The following GLIPR1L1 variants were observed in gnomAD, a reference collection of about 807,000 sequenced individuals.
The protein encoded by GLIPR1L1 is GLIPR1-like protein 1.
In GLIPR1L1, 26 loss-of-function variants were observed where a neutral mutation model predicts 29.9. The ratio of observed to expected loss-of-function variants is 0.87; its 90% confidence interval spans 0.64 to 1.21. GLIPR1L1 has a LOEUF of 1.21. Ranked by LOEUF, GLIPR1L1 falls within the 50% of genes most tolerant of loss-of-function variation. The probability of loss-of-function intolerance (pLI) is 0.00; values close to 1 mark genes in which losing one functional copy is unlikely to be tolerated. For missense variants in GLIPR1L1, 305 were observed against 290.3 expected (o/e 1.05, Z -0.37); for synonymous variants, 77 against 97.5 (o/e 0.79, Z 1.24).
chr12:75,337,776 CTAA>C (rs932928968), intron 1 of GLIPR1L1, among the ~76,000 whole-genome samples: 1 of 151,944 alleles, frequency 6.6e-6, no homozygotes, highest in Non-Finnish European at 1.5e-5. Flanking sequence ...TGAACTTTGC[CTAA>C]TAAAAGTATT....
At chr12:75,345,226 T>A (rs2042370997) in intron 2 of GLIPR1L1, among the ~76,000 whole-genome samples, 1 of 152,118 alleles carries the variant, frequency 6.6e-6, no homozygotes, top group Admixed American at 6.5e-5. Context: ...CTAGAAACTG[T>A]CTCCAGGCAA....
At chr12:75,364,008 A>G (rs2043796585) in intron 4 of GLIPR1L1, among the ~76,000 whole-genome samples, 2 of 152,228 alleles carry the variant, frequency 1.3e-5, no homozygotes, top group Admixed American at 1.3e-4. Flanking sequence ...TACGATCAAT[A>G]GAAAGGAATA....
intron 3 of GLIPR1L1, among the ~76,000 whole-genome samples, chr12:75,350,028 C>G (rs535900238): frequency 2.0e-5 from 3 of 152,244 alleles, no homozygotes; most frequent in Non-Finnish European, 4.4e-5. Context: ...ACTGTGGCTC[C>G]AGTTGGCCAT....
At chr12:75,339,783 T>C (rs1190429696) in intron 1 of GLIPR1L1, among the ~76,000 whole-genome samples, 1 of 152,112 alleles carries the variant, frequency 6.6e-6, no homozygotes, top group African/African-American at 2.4e-5. Flanking sequence ...AAGGAAGGGG[T>C]CCAGTTTCAA....
chr12:75,343,580 C>A, intron 1 of GLIPR1L1, 113 bp from the exon 2 acceptor site: 13 of 811,764 alleles, frequency 1.6e-5, no homozygotes, highest in Admixed American at 3.1e-5. Flanking sequence ...CAAAGAAAAA[C>A]TACATCTTAT....
intron 3 of GLIPR1L1, among the ~76,000 whole-genome samples, chr12:75,357,739 A>G (rs2043245902): frequency 1.3e-5 from 2 of 152,076 alleles, no homozygotes; most frequent in South Asian, 4.1e-4. Context: ...TTTGAATACT[A>G]ACATACTTCT....
intron 4 of GLIPR1L1, 198 bp from the exon 5 acceptor site, chr12:75,369,762 T>A (rs1196738568): frequency 2.0e-6 from 2 of 984,752 alleles, no homozygotes; most frequent in African/African-American, 3.5e-5. Context: ...AAATATTTGT[T>A]GACATAACAC....
intron 3 of GLIPR1L1, among the ~76,000 whole-genome samples, chr12:75,359,081 C>T (rs942762415): frequency 1.3e-5 from 2 of 150,336 alleles, no homozygotes; most frequent in Non-Finnish European, 3.0e-5. Context: ...TACCAAAACT[C>T]ATCTAAAACA....
Position 75,370,220 on chromosome 12 carries a change from G to T in GLIPR1L1, c.*44G>T. The T allele has an allele frequency of 1.6e-5, 16 of 1,014,156 alleles. No individual in the cohort carries two copies. The highest frequency in any genetic ancestry group is 2.0e-5 in the Non-Finnish European group (13 of 648,008). The allele number at this position is 1,014,156 out of a possible 1,614,324, so 62.8% of individuals were successfully genotyped here. On this transcript the variant is annotated 3_prime_UTR_variant, in exon 6 of 6. Transcript: ENST00000378695. ...GAAATTCTCAAATGTTAAAATAAAG[G>T]AATAGTTTATTGCTTAATATAACTT...
At chr12:75,364,507 T>C (rs981794438) in intron 4 of GLIPR1L1, among the ~76,000 whole-genome samples, 1 of 152,222 alleles carries the variant, frequency 6.6e-6, no homozygotes, top group Non-Finnish European at 1.5e-5. Flanking sequence ...CAAAAACTTA[T>C]AGCCAATTTA....
intron 3 of GLIPR1L1, among the ~76,000 whole-genome samples, chr12:75,353,061 C>T (rs1265053176): frequency 1.3e-5 from 2 of 152,106 alleles, no homozygotes; most frequent in South Asian, 2.1e-4. Context: ...CCCAAATTGA[C>T]ATCCTAACAT....
intron 2 of GLIPR1L1, 127 bp downstream of exon 2, chr12:75,344,065 G>C (rs2042293357): frequency 1.5e-6 from 1 of 679,894 alleles, no homozygotes; most frequent in Non-Finnish European, 2.4e-6. Flanking sequence ...TTTATCATAG[G>C]TCTTGAGCAA....
At chr12:75,366,990 T>G in intron 4 of GLIPR1L1, 1 of 701,734 alleles carries the variant, frequency 1.4e-6, no homozygotes, top group Non-Finnish European at 2.6e-6. Context: ...TAACAAAATG[T>G]CCTTTCTCTT....
At chr12:75,340,098 T>C (rs2042002614) in intron 1 of GLIPR1L1, among the ~76,000 whole-genome samples, 1 of 151,596 alleles carries the variant, frequency 6.6e-6, no homozygotes, top group Non-Finnish European at 1.5e-5. Flanking sequence ...TTTTTATGGC[T>C]GAGTCGTATT....
At chr12:75,352,033 T>A (rs1163458959) in intron 3 of GLIPR1L1, among the ~76,000 whole-genome samples, 2 of 152,180 alleles carry the variant, frequency 1.3e-5, no homozygotes, top group Non-Finnish European at 2.9e-5. Flanking sequence ...GAAAAATGGT[T>A]ACCAGTCACT....
chr12:75,334,884 G>A lies in GLIPR1L1; in HGVS notation c.156G>A (p.Ala52=), dbSNP rs1420528835. The change falls in exon 1 of 6, where the codon GCG becomes GCA. Residue 52 remains alanine, a synonymous_variant. Coordinates refer to ENST00000378695, the MANE Select transcript of GLIPR1L1 (RefSeq NM_001304964.2). ...NEWRGKVNPP[A]ADMKYMIWDK... ...GGCGTGGCAAAGTCAACCCTCCCGC[G>A]GCCGACATGAAATACATGGTGAGAA... 1 of 1,613,904 alleles carries A rather than the reference G, an allele frequency of 6.2e-7. No individual in the cohort carries two copies.
At chr12:75,361,619 A>C (rs959065564) in intron 3 of GLIPR1L1, among the ~76,000 whole-genome samples, 1 of 152,212 alleles carries the variant, frequency 6.6e-6, no homozygotes, top group African/African-American at 2.4e-5. Context: ...AGGCCTCAGG[A>C]AACTTACAAT....
In GLIPR1L1 at chr12:75,340,619, A is replaced by G. The variant is rs548723913; in HGVS notation, c.175-3074A>G. ...AAAATAAGAAACTTCTACTTTCTAA[A>G]GTACCCTGTTAGGAAGATGAGAGGA... On this transcript the variant is annotated intron_variant, in intron 1 of 5. Coordinates refer to ENST00000378695, the MANE Select transcript of GLIPR1L1 (RefSeq NM_001304964.2). Among the ~76,000 whole-genome samples, 24 of 152,168 alleles carry G rather than the reference A, an allele frequency of 1.6e-4. No homozygotes were observed. In the South Asian group the frequency reaches 5.0e-3, roughly 32 times the overall value.
intron 3 of GLIPR1L1, among the ~76,000 whole-genome samples, chr12:75,361,319 A>G (rs1220497745): frequency 2.6e-5 from 4 of 152,224 alleles, no homozygotes; most frequent in Admixed American, 6.5e-5. Flanking sequence ...GTGGGTATCA[A>G]TCAGAGGAGA....
Sources: allele counts gnomAD v4.1 joint callset (sites outside exome capture counted in the v4.1 genomes callset), GRCh38; gene constraint gnomAD v4.1.1; transcripts MANE v1.5; gene names NCBI Gene and HGNC (gene_info 2026-07-23, HGNC 2026-07-21).